Variants in HOMER1 observed in about 807,000 individuals in gnomAD.
HOMER1 encodes homer protein homolog 1.
A neutral mutation model predicts 48.9 loss-of-function variants in HOMER1; 3 were observed. The observed-to-expected ratio is 0.06, with a 90% CI of 0.03 to 0.16. HOMER1 has a LOEUF of 0.16. Among genes scored for constraint, HOMER1 ranks in the 10% least tolerant of loss-of-function variants. The pLI is 1.00. For missense variants in HOMER1, 247 were observed against 411.4 expected (o/e 0.60, Z 3.46); for synonymous variants, 134 against 146.4 (o/e 0.92, Z 0.61).
rs1749115866 is a variant in HOMER1 at position 79,386,588 on chromosome 5, A to G, written c.876+10235T>C. On this transcript the variant is annotated intron_variant, in intron 8 of 8. Transcript: ENST00000334082. ...GGGTTCCTATAGTTAGCAACAATAT[A>G]TTGTGTATTTCAAAGTAGTTATAAG... 2.6e-5 allele frequency among the ~76,000 whole-genome samples: 4 copies of G among 152,194 alleles called. No homozygotes were observed. In the South Asian group the frequency reaches 8.3e-4, roughly 32 times the overall value.
At chr5:79,430,405 C>G (rs57783254) in intron 5 of HOMER1, among the ~76,000 whole-genome samples, 7,596 of 152,122 alleles carry the variant, frequency 0.05, 250 homozygotes, top group Middle Eastern at 0.078. Flanking sequence ...AAATCAGAAC[C>G]CTTATATATC....
chr5:79,508,506 A>G (rs1752839101), intron 1 of HOMER1, among the ~76,000 whole-genome samples: 1 of 152,338 alleles, frequency 6.6e-6, no homozygotes, highest in Middle Eastern at 3.4e-3. Context: ...TCCCTGCATA[A>G]TAAGGCTCTA....
chr5:79,396,911 A>G lies in HOMER1; in HGVS notation c.796-8T>C, dbSNP rs1285461097. The G allele has an allele frequency of 2.6e-6, 4 of 1,511,510 alleles. No homozygotes were observed. The South Asian group carries it at 4.6e-5, about 17-fold the overall frequency. The allele number at this position is 1,511,510 out of a possible 1,614,324, so 93.6% of individuals were successfully genotyped here. ...TTTTAACCTTTCTATTTCCTAGAAA[A>G]GACAGAGCAATGTCTTAACATTCAA... On this transcript the variant is annotated splice_region_variant and splice_polypyrimidine_tract_variant and intron_variant, in intron 7 of 8. Coordinates refer to ENST00000334082, the MANE Select transcript of HOMER1 (RefSeq NM_004272.5).
chr5:79,421,156 T>C (rs1270995235), intron 5 of HOMER1, among the ~76,000 whole-genome samples: 2 of 152,226 alleles, frequency 1.3e-5, no homozygotes, highest in Non-Finnish European at 2.9e-5. Flanking sequence ...TTTTGAACTA[T>C]TAGGGCAATA....
chr5:79,429,565 A>G (rs1750362795), intron 5 of HOMER1, among the ~76,000 whole-genome samples: 1 of 152,222 alleles, frequency 6.6e-6, no homozygotes, highest in African/African-American at 2.4e-5. Context: ...ATCTCACATC[A>G]TATATAAAAA....
At chr5:79,447,500 C>G (rs375713258) in intron 3 of HOMER1, among the ~76,000 whole-genome samples, 1 of 152,082 alleles carries the variant, frequency 6.6e-6, no homozygotes, top group Non-Finnish European at 1.5e-5. Context: ...CTATGTTTAT[C>G]ATTGAGAAAA....
rs142061936 is a variant in HOMER1, at chr5:79,388,719, A to T, written c.876+8104T>A. Among the ~76,000 whole-genome samples, 345 of 152,238 alleles carry T rather than the reference A, an allele frequency of 2.3e-3. 1 individual carries two copies. The highest frequency in any genetic ancestry group is 7.9e-3 in the African/African-American group (329 of 41,580). Reference sequence around the variant, plus strand: ...TATCAGAAATGAAAACCGAGTTATAAGGACCCAAGGAAAAATAGATTTGAA... The same window carrying T: ...TATCAGAAATGAAAACCGAGTTATATGGACCCAAGGAAAAATAGATTTGAA... On this transcript the variant is annotated intron_variant, in intron 8 of 8. Transcript: ENST00000334082.
At chr5:79,510,120 C>T (rs1752896058) in intron 1 of HOMER1, among the ~76,000 whole-genome samples, 1 of 152,034 alleles carries the variant, frequency 6.6e-6, no homozygotes, top group Non-Finnish European at 1.5e-5. Context: ...TCTTCTACTT[C>T]CATCTACCCT....
At chr5:79,395,560 T>A (rs1319134936) in intron 8 of HOMER1, among the ~76,000 whole-genome samples, 1 of 152,170 alleles carries the variant, frequency 6.6e-6, no homozygotes, top group African/African-American at 2.4e-5. Flanking sequence ...AAACAAGTGA[T>A]CTCATTTTTC....
At chr5:79,443,665 A>C (rs1750800191) in intron 4 of HOMER1, among the ~76,000 whole-genome samples, 1 of 152,158 alleles carries the variant, frequency 6.6e-6, no homozygotes. Flanking sequence ...GTACTTTCTA[A>C]TCCTCATTTA....
At chr5:79,499,533 C>A (rs962583650) in intron 1 of HOMER1, among the ~76,000 whole-genome samples, 2 of 143,980 alleles carry the variant, frequency 1.4e-5, no homozygotes, top group Non-Finnish European at 3.1e-5. Flanking sequence ...AACAGGTTAA[C>A]TGCATACCTT....
chr5:79,435,656 C>T (rs1432505960), intron 5 of HOMER1, among the ~76,000 whole-genome samples: 11 of 150,016 alleles, frequency 7.3e-5, no homozygotes, highest in African/African-American at 2.7e-4. Flanking sequence ...AGGGTGAAAC[C>T]CCGTCTCTAC....
At chr5:79,410,064 T>C (rs185219943) in intron 5 of HOMER1, among the ~76,000 whole-genome samples, 309 of 152,342 alleles carry the variant, frequency 2.0e-3, no homozygotes, top group Non-Finnish European at 3.4e-3. Context: ...TTTACAATTT[T>C]CTTTTTTCTT....
At chr5:79,501,820 C>T (rs750586841) in intron 1 of HOMER1, among the ~76,000 whole-genome samples, 5 of 152,076 alleles carry the variant, frequency 3.3e-5, no homozygotes, top group Non-Finnish European at 7.4e-5. Flanking sequence ...GTCTCCTTCT[C>T]CATAAAAAGT....
intron 1 of HOMER1, among the ~76,000 whole-genome samples, chr5:79,497,114 C>A (rs1752446733): frequency 6.7e-6 from 1 of 148,730 alleles, no homozygotes; most frequent in South Asian, 2.1e-4. Flanking sequence ...ATGTAGGCTT[C>A]AACGACACTG....
rs1171366552 is a variant in HOMER1 at position 79,375,898 on chromosome 5, T to C, written c.*111A>G. The C allele has an allele frequency of 3.7e-6, 2 of 544,562 alleles. No individual in the cohort carries two copies. The highest frequency in any genetic ancestry group is 5.9e-6 in the Non-Finnish European group (2 of 338,872). 33.7% of individuals were successfully genotyped at this position (544,562 alleles called of 1,614,324 possible). ...AAAGATCCTCCTCCTGGAGGAGTGATATTCAATTTTTTTTTTTTTTTTTTT... is the reference window on the plus strand; with the variant it reads ...AAAGATCCTCCTCCTGGAGGAGTGACATTCAATTTTTTTTTTTTTTTTTTT... On this transcript the variant is annotated 3_prime_UTR_variant, in exon 9 of 9. Transcript: ENST00000334082.
At chr5:79,379,467 T>A (rs1329108800) in intron 8 of HOMER1, among the ~76,000 whole-genome samples, 4 of 115,158 alleles carry the variant, frequency 3.5e-5, no homozygotes, top group Admixed American at 1.2e-4. Context: ...TAATATATAT[T>A]TTATATATAA....
chr5:79,485,652 G>T lies in HOMER1; in HGVS notation c.5+27118C>A, dbSNP rs935408965. On this transcript the variant is annotated intron_variant, in intron 1 of 8. Coordinates refer to ENST00000334082, the MANE Select transcript of HOMER1 (RefSeq NM_004272.5). ...GGACTTTAAAAAATTACAAACTGTGGTAAGTGTTACCAAGGAAAATGAAGA... is the reference window on the plus strand; with the variant it reads ...GGACTTTAAAAAATTACAAACTGTGTTAAGTGTTACCAAGGAAAATGAAGA... 2.6e-5 allele frequency among the ~76,000 whole-genome samples: 4 copies of T among 152,294 alleles called. No homozygotes were observed. In the East Asian group the frequency reaches 5.8e-4, roughly 22 times the overall value.
rs933845986 is a variant in HOMER1 at position 79,472,759 on chromosome 5, A to G, written c.6-15741T>C. On this transcript the variant is annotated intron_variant, in intron 1 of 8. Transcript: ENST00000334082. ...GTGCCACTATACTCCAGCCTGGGCA[A>G]CAGAGTGAGACCCTGTCTCTAAAAA... 2.0e-5 allele frequency among the ~76,000 whole-genome samples: 3 copies of G among 152,196 alleles called. No homozygotes were observed. The South Asian group carries it at 6.2e-4, about 32-fold the overall frequency.
Sources: gnomAD v4.1 joint callset for allele counts (sites outside exome capture counted in the v4.1 genomes callset) on GRCh38, gnomAD v4.1.1 for gene constraint, MANE v1.5 for transcripts, NCBI Gene and HGNC (gene_info 2026-07-23, HGNC 2026-07-21) for gene names.